Variants in UBE2E2 observed in about 807,000 individuals in gnomAD.
UBE2E2 encodes ubiquitin conjugating enzyme E2 E2, also known as ubiquitin-conjugating enzyme E2 E2.
A neutral mutation model predicts 24.7 loss-of-function variants in UBE2E2; 6 were observed. That is an observed-to-expected ratio of 0.24 (90% CI 0.13 to 0.48). UBE2E2 has a LOEUF of 0.48. Ranked by LOEUF, UBE2E2 falls within the 20% of genes least tolerant of loss-of-function variation. UBE2E2 has a pLI of 0.99. For synonymous variants in UBE2E2, 104 were observed against 83.6 expected, an observed-to-expected ratio of 1.24 and a Z score of -1.33; for missense variants, 169 against 245.0, an observed-to-expected ratio of 0.69 and a Z score of 2.07.
chr3:23,551,707 G>A (rs942613617), intron 5 of UBE2E2, among the ~76,000 whole-genome samples: 2 of 152,152 alleles, frequency 1.3e-5, no homozygotes, highest in Non-Finnish European at 2.9e-5. Flanking sequence ...GAGTAAAAAG[G>A]ATGACTGACT....
At chr3:23,480,360 C>T (rs1024104187) in intron 3 of UBE2E2, among the ~76,000 whole-genome samples, 3 of 152,204 alleles carry the variant, frequency 2.0e-5, no homozygotes, top group African/African-American at 7.2e-5. Flanking sequence ...TACTTTGAAG[C>T]CTATGGGGGC....
intron 3 of UBE2E2, among the ~76,000 whole-genome samples, chr3:23,337,535 C>T (rs1695246026): frequency 6.6e-6 from 1 of 152,058 alleles, no homozygotes; most frequent in Non-Finnish European, 1.5e-5. Context: ...TGCTTTAGGA[C>T]GATTTCACAT....
intron 3 of UBE2E2, among the ~76,000 whole-genome samples, chr3:23,411,092 A>G (rs1206376925): frequency 6.6e-6 from 1 of 152,234 alleles, no homozygotes; most frequent in Non-Finnish European, 1.5e-5. Flanking sequence ...AATATTTCAC[A>G]TCACAGAACA....
intron 4 of UBE2E2, among the ~76,000 whole-genome samples, chr3:23,513,872 G>A (rs1694667360): frequency 6.6e-6 from 1 of 152,094 alleles, no homozygotes; most frequent in African/African-American, 2.4e-5. Flanking sequence ...CTTATTGAAA[G>A]AGTGTGAAGA....
At chr3:23,221,930 A>G (rs559134126) in intron 3 of UBE2E2, among the ~76,000 whole-genome samples, 4 of 152,214 alleles carry the variant, frequency 2.6e-5, no homozygotes, top group Non-Finnish European at 5.9e-5. Flanking sequence ...ATGATTTACC[A>G]TCTTTACCAT....
intron 5 of UBE2E2, among the ~76,000 whole-genome samples, chr3:23,535,775 C>G (rs1695248533): frequency 6.6e-6 from 1 of 151,884 alleles, no homozygotes; most frequent in Admixed American, 6.6e-5. Flanking sequence ...GGCCCCACCA[C>G]CATGCCTGGC....
chr3:23,360,632 T>C (rs1023951939), intron 3 of UBE2E2, among the ~76,000 whole-genome samples: 60 of 152,132 alleles, frequency 3.9e-4, no homozygotes, highest in Non-Finnish European at 7.4e-5. Context: ...CAGTTAATAC[T>C]TCATTTTCCA....
intron 5 of UBE2E2, among the ~76,000 whole-genome samples, chr3:23,572,160 A>G (rs1246468696): frequency 6.6e-6 from 1 of 152,180 alleles, no homozygotes; most frequent in African/African-American, 2.4e-5. Flanking sequence ...TTTGATTTAA[A>G]TCATGGAAAT....
chr3:23,453,625 CTG>C (rs1338337488), intron 3 of UBE2E2, among the ~76,000 whole-genome samples: 2 of 152,082 alleles, frequency 1.3e-5, no homozygotes, highest in African/African-American at 4.8e-5. Flanking sequence ...ATTTCTGAAT[CTG>C]GAAAGGGAAT....
chr3:23,303,498 T>A (rs1225602460), intron 3 of UBE2E2, among the ~76,000 whole-genome samples: 1 of 152,194 alleles, frequency 6.6e-6, no homozygotes, highest in Non-Finnish European at 1.5e-5. Flanking sequence ...CAAGGAAGGA[T>A]GTACAATTTA....
In UBE2E2 at chr3:23,291,066, CT is replaced by C. The variant is rs745393644; in HGVS notation, c.227+73757del. 2.5e-3 allele frequency among the ~76,000 whole-genome samples: 104 copies of C among 42,392 alleles called. 2 individuals carry two copies. Among genetic ancestry groups the C allele is most frequent in the East Asian group, 7.6e-3 (11 of 1,454 alleles). 27.8% of individuals were successfully genotyped at this position (42,392 alleles called of 152,430 possible). A position where few individuals can be genotyped will look rare whatever the true frequency, so the allele number is the denominator to read the frequency against. The stretch of plus-strand genomic sequence containing the variant: ...CCTGGGAGACAGAGCAAGACCCTGT[CT>C]TTAAAAAAAAAAAACAAAAAACGTG... On this transcript the variant is annotated intron_variant, in intron 3 of 5. Coordinates refer to ENST00000396703, the MANE Select transcript of UBE2E2 (RefSeq NM_152653.4).
chr3:23,366,113 G>T (rs1425946353), intron 3 of UBE2E2, among the ~76,000 whole-genome samples: 1 of 152,102 alleles, frequency 6.6e-6, no homozygotes, highest in Non-Finnish European at 1.5e-5. Context: ...ACCACAGTGA[G>T]ATACCATCTC....
At chr3:23,472,341 A>G (rs1699047553) in intron 3 of UBE2E2, among the ~76,000 whole-genome samples, 1 of 152,244 alleles carries the variant, frequency 6.6e-6, no homozygotes, top group Non-Finnish European at 1.5e-5. Flanking sequence ...TGAAAAACAA[A>G]TTGTAGAGAC....
At chr3:23,266,488 G>A (rs575916465) in intron 3 of UBE2E2, among the ~76,000 whole-genome samples, 1 of 152,224 alleles carries the variant, frequency 6.6e-6, no homozygotes, top group South Asian at 2.1e-4. Flanking sequence ...CTTCTGGCTT[G>A]TAGAGTTTCT....
chr3:23,388,371 A>G (rs947293506), intron 3 of UBE2E2, among the ~76,000 whole-genome samples: 3 of 152,164 alleles, frequency 2.0e-5, no homozygotes, highest in Non-Finnish European at 4.4e-5. Flanking sequence ...CTGCTAATTA[A>G]TATTGTTTGT....
chr3:23,240,262 CT>C (rs1278016941), intron 3 of UBE2E2, among the ~76,000 whole-genome samples: 1 of 152,108 alleles, frequency 6.6e-6, no homozygotes, highest in Non-Finnish European at 1.5e-5. Context: ...AATTTTATTT[CT>C]TTAGCTTAGC....
At chr3:23,300,680 T>A (rs1161065899) in intron 3 of UBE2E2, among the ~76,000 whole-genome samples, 8 of 152,198 alleles carry the variant, frequency 5.3e-5, no homozygotes, top group East Asian at 1.9e-4. Context: ...CTTCCCTTTG[T>A]GGGTAACCCG....
At chr3:23,299,413 G>A (rs1699007549) in intron 3 of UBE2E2, among the ~76,000 whole-genome samples, 1 of 151,610 alleles carries the variant, frequency 6.6e-6, no homozygotes, top group Non-Finnish European at 1.5e-5. Flanking sequence ...TTTCTCTTGT[G>A]GGCATTTAGT....
At chr3:23,259,133 CAG>C (rs1553635560) in intron 3 of UBE2E2, among the ~76,000 whole-genome samples, 1 of 152,028 alleles carries the variant, frequency 6.6e-6, no homozygotes, top group Non-Finnish European at 1.5e-5. Flanking sequence ...AAGTGTGGAA[CAG>C]GGGCATAAAT....
Sources: gnomAD v4.1 joint callset for allele counts (sites outside exome capture counted in the v4.1 genomes callset) on GRCh38, gnomAD v4.1.1 for gene constraint, MANE v1.5 for transcripts, NCBI Gene and HGNC (gene_info 2026-07-23, HGNC 2026-07-21) for gene names.